Variants in SPATS2L observed in about 807,000 individuals in gnomAD.
The protein encoded by SPATS2L is SPATS2-like protein.
In SPATS2L, 30 loss-of-function variants were observed where a neutral mutation model predicts 59.6. That is an observed-to-expected ratio of 0.50 (90% CI 0.38 to 0.68). The LOEUF is 0.68. SPATS2L is among the 30% of genes least tolerant of loss of function. SPATS2L has a pLI of 0.00. For synonymous variants in SPATS2L, 252 were observed against 263.5 expected (o/e 0.96, Z 0.42); for missense variants, 615 against 700.0 (o/e 0.88, Z 1.37).
At chr2:200,447,249 A>T (rs978267852) in intron 8 of SPATS2L, among the ~76,000 whole-genome samples, 1 of 152,226 alleles carries the variant, frequency 6.6e-6, no homozygotes. Flanking sequence ...GACTTCAGCC[A>T]GGGAGCAATA....
chr2:200,412,467 C>A lies in SPATS2L; in HGVS notation c.148+48C>A, dbSNP rs374294028. On this transcript the variant is annotated intron_variant, in intron 4 of 12. Transcript: ENST00000409140. ...GCTGAAGATGTTAGACTTAAATATT[C>A]CAGATATTCCATATTTTTTCCTTAA... The A allele has an allele frequency of 1.2e-5, 12 of 979,150 alleles. No individual in the cohort carries two copies. The African/African-American group carries it at 1.5e-4, about 12-fold the overall frequency. The allele number at this position is 979,150 out of a possible 1,614,324, so 60.7% of individuals were successfully genotyped here. A position where few individuals can be genotyped will look rare whatever the true frequency, so the allele number is the denominator to read the frequency against.
chr2:200,417,078 C>T (rs189057650), intron 5 of SPATS2L, among the ~76,000 whole-genome samples: 3 of 152,312 alleles, frequency 2.0e-5, no homozygotes, highest in Non-Finnish European at 2.9e-5. Context: ...TGCGTCTGTG[C>T]ATACACACTA....
At chr2:200,322,512 A>T (rs2079598000) in intron 1 of SPATS2L, among the ~76,000 whole-genome samples, 1 of 152,228 alleles carries the variant, frequency 6.6e-6, no homozygotes, top group African/African-American at 2.4e-5. Flanking sequence ...GTATAGGTAT[A>T]CGAGAGACAA....
intron 2 of SPATS2L, among the ~76,000 whole-genome samples, chr2:200,387,871 A>G (rs1449360092): frequency 6.6e-6 from 1 of 152,230 alleles, no homozygotes; most frequent in Non-Finnish European, 1.5e-5. Context: ...GATTGAATCT[A>G]TTAAAGTCTT....
intron 9 of SPATS2L, among the ~76,000 whole-genome samples, chr2:200,466,003 G>A (rs2086574958): frequency 6.6e-6 from 1 of 152,238 alleles, no homozygotes; most frequent in South Asian, 2.1e-4. Context: ...CGGCACTCCA[G>A]CCTGGACGAA....
chr2:200,448,907 G>T (rs2085248338), intron 8 of SPATS2L, among the ~76,000 whole-genome samples: 2 of 152,120 alleles, frequency 1.3e-5, no homozygotes, highest in South Asian at 4.1e-4. Flanking sequence ...TTGCTGTCTA[G>T]CTGACAAATT....
intron 2 of SPATS2L, among the ~76,000 whole-genome samples, chr2:200,383,349 A>T (rs1228907246): frequency 6.6e-6 from 1 of 152,280 alleles, no homozygotes; most frequent in South Asian, 2.1e-4. Flanking sequence ...ATCAAATGCT[A>T]TCATTTCAAC....
At chr2:200,322,498 A>G (rs1332805266) in intron 1 of SPATS2L, among the ~76,000 whole-genome samples, 1 of 152,246 alleles carries the variant, frequency 6.6e-6, no homozygotes, top group Non-Finnish European at 1.5e-5. Flanking sequence ...TGCTATAGGT[A>G]TAAGTATAGG....
intron 2 of SPATS2L, among the ~76,000 whole-genome samples, chr2:200,340,252 G>A (rs1299077088): frequency 6.6e-6 from 1 of 152,082 alleles, no homozygotes; most frequent in Non-Finnish European, 1.5e-5. Flanking sequence ...CTTTACTCTT[G>A]CTGCTTTGAT....
chr2:200,392,727 G>A (rs185273641), intron 3 of SPATS2L, among the ~76,000 whole-genome samples: 1 of 152,268 alleles, frequency 6.6e-6, no homozygotes, highest in African/African-American at 2.4e-5. Context: ...TCTGAAGTGG[G>A]GGGTGGTCTT....
At chr2:200,416,158 G>C (rs1411593725) in intron 4 of SPATS2L, among the ~76,000 whole-genome samples, 2 of 151,532 alleles carry the variant, frequency 1.3e-5, no homozygotes, top group Non-Finnish European at 1.5e-5. Flanking sequence ...ATGTAGTGAG[G>C]CTTAATATTT....
intron 2 of SPATS2L, among the ~76,000 whole-genome samples, chr2:200,360,747 G>T (rs2081070225): frequency 6.6e-6 from 1 of 152,092 alleles, no homozygotes; most frequent in Non-Finnish European, 1.5e-5. Context: ...CTCTTGTGTT[G>T]TTTCAAATGT....
chr2:200,477,543 A>T, intron 12 of SPATS2L, 93 bp from the exon 13 acceptor site: 1 of 697,948 alleles, frequency 1.4e-6, no homozygotes, highest in Non-Finnish European at 2.1e-6. Flanking sequence ...AAAAAAGCTT[A>T]CCTGTGGCTT....
chr2:200,392,886 C>G (rs532213028), intron 3 of SPATS2L, among the ~76,000 whole-genome samples: 43 of 152,266 alleles, frequency 2.8e-4, no homozygotes, highest in African/African-American at 9.2e-4. Context: ...GAGAGAAGTC[C>G]CCCACACATT....
At chr2:200,424,673 C>T (rs1021428763) in intron 6 of SPATS2L, among the ~76,000 whole-genome samples, 1 of 152,160 alleles carries the variant, frequency 6.6e-6, no homozygotes, top group Non-Finnish European at 1.5e-5. Context: ...TTACTTGTCT[C>T]CACTTAGGCC....
intron 2 of SPATS2L, among the ~76,000 whole-genome samples, chr2:200,356,475 T>C (rs542083807): frequency 6.6e-6 from 1 of 152,266 alleles, no homozygotes; most frequent in East Asian, 1.9e-4. Context: ...GAATTATAAG[T>C]GTTTAGCTTA....
chr2:200,350,380 AT>A (rs955751127), intron 2 of SPATS2L, among the ~76,000 whole-genome samples: 7 of 152,084 alleles, frequency 4.6e-5, no homozygotes, highest in African/African-American at 1.7e-4. Flanking sequence ...CCTTTTAAAA[AT>A]TACTTTCTCA....
chr2:200,312,129 A>AT (rs139295887), intron 1 of SPATS2L, among the ~76,000 whole-genome samples: 67 of 152,340 alleles, frequency 4.4e-4, no homozygotes, highest in Non-Finnish European at 7.9e-4. Context: ...TGAACTGACT[A>AT]TGACACAAAG....
chr2:200,459,936 T>C (rs1041568464), intron 9 of SPATS2L, 109 bp downstream of exon 9: 2 of 833,900 alleles, frequency 2.4e-6, no homozygotes, highest in Non-Finnish European at 3.8e-6. Context: ...AAAATTTATA[T>C]TGAAATTTTG....
Sources: gnomAD v4.1 joint callset for allele counts (sites outside exome capture counted in the v4.1 genomes callset) on GRCh38, gnomAD v4.1.1 for gene constraint, MANE v1.5 for transcripts, NCBI Gene and HGNC (gene_info 2026-07-23, HGNC 2026-07-21) for gene names.